The following DACH2 variants were observed in gnomAD, a reference collection of about 807,000 sequenced individuals.
DACH2 encodes dachshund homolog 2.
DACH2 carries 17 observed loss-of-function variants against 35.8 expected under a neutral mutation model. The observed-to-expected ratio is 0.48, with a 90% CI of 0.33 to 0.71. The LOEUF is 0.71. Among genes scored for constraint, DACH2 ranks in the 30% least tolerant of loss-of-function variants. The pLI is 0.02. For missense variants in DACH2, 469 were observed against 472.7 expected (o/e 0.99, Z 0.07); for synonymous variants, 195 against 177.3 (o/e 1.10, Z -0.79).
intron 3 of DACH2, among the ~76,000 whole-genome samples, chrX:86,602,917 C>T (rs780103364): frequency 2.4e-4 from 27 of 111,124 alleles, no homozygotes; most frequent in African/African-American, 8.8e-4. Context: ...AAGATTTTCT[C>T]CTATGTTTTC....
rs766324185 is a variant in DACH2 at position 86,813,043 on chromosome X, A to G, written c.1389+39A>G. 3.7e-5 allele frequency: 42 copies of G among 1,145,291 alleles called. No individual in the cohort carries two copies. In the Middle Eastern group the frequency reaches 7.2e-4, roughly 20 times the overall value. The allele number at this position is 1,145,291 out of a possible 1,213,427, so 94.4% of individuals were successfully genotyped here. A position where few individuals can be genotyped will look rare whatever the true frequency, so the allele number is the denominator to read the frequency against. On this transcript the variant is annotated intron_variant, in intron 8 of 11. Coordinates refer to ENST00000373125, the MANE Select transcript of DACH2 (RefSeq NM_053281.3). ...CTATAAACAAAATAAATGTAATACAAGACATTAGCACCTACATATATTATT... is the reference window on the plus strand; with the variant it reads ...CTATAAACAAAATAAATGTAATACAGGACATTAGCACCTACATATATTATT...
At chrX:86,409,941 CA>C (rs1411940816) in intron 2 of DACH2, among the ~76,000 whole-genome samples, 1 of 111,915 alleles carries the variant, frequency 8.9e-6, no homozygotes, top group African/African-American at 3.2e-5. Flanking sequence ...AGCAGTTCCC[CA>C]AAGGCATTCT....
chrX:86,621,559 AAAG>A (rs954357317), intron 3 of DACH2, among the ~76,000 whole-genome samples: 4 of 111,581 alleles, frequency 3.6e-5, no homozygotes, highest in African/African-American at 9.7e-5. Flanking sequence ...AATAAAAAAA[AAAG>A]AAGAATAGAA....
chrX:86,437,601 C>T (rs1346203570), intron 2 of DACH2, among the ~76,000 whole-genome samples: 1 of 111,623 alleles, frequency 9.0e-6, no homozygotes, highest in African/African-American at 3.3e-5. Context: ...TTCTCTGTTG[C>T]TACTAATGGC....
At chrX:86,409,896 C>T (rs1431498214) in intron 2 of DACH2, among the ~76,000 whole-genome samples, 2 of 112,014 alleles carry the variant, frequency 1.8e-5, no homozygotes, top group Non-Finnish European at 3.8e-5. Flanking sequence ...TGAAAACTTG[C>T]TCTGAAGTAA....
At chrX:86,675,085 C>T (rs2040811425) in intron 4 of DACH2, among the ~76,000 whole-genome samples, 1 of 111,548 alleles carries the variant, frequency 9.0e-6, no homozygotes. Flanking sequence ...CCCTCTGCCT[C>T]CCAACCAAAG....
intron 1 of DACH2, among the ~76,000 whole-genome samples, chrX:86,312,614 C>A (rs971397555): frequency 8.9e-6 from 1 of 111,744 alleles, no homozygotes; most frequent in Non-Finnish European, 1.9e-5. Context: ...AGAATCTAAT[C>A]ATCTGCCAGT....
At chrX:86,341,914 A>T (rs2035420427) in intron 1 of DACH2, among the ~76,000 whole-genome samples, 1 of 111,983 alleles carries the variant, frequency 8.9e-6, no homozygotes, top group African/African-American at 3.2e-5. Flanking sequence ...CTCATGCTAA[A>T]ACTTGAATGG....
chrX:86,490,447 C>A (rs1226696836), intron 2 of DACH2, among the ~76,000 whole-genome samples: 1 of 111,303 alleles, frequency 9.0e-6, no homozygotes, highest in African/African-American at 3.3e-5. Context: ...GTATCATAAT[C>A]TGGAAGCAAA....
chrX:86,393,687 A>G (rs1371852987), intron 2 of DACH2, among the ~76,000 whole-genome samples: 1 of 111,731 alleles, frequency 9.0e-6, no homozygotes, highest in Admixed American at 9.5e-5. Flanking sequence ...ATTTTGAGGT[A>G]TCAGATAATG....
At chrX:86,567,653 C>T (rs1162622105) in intron 3 of DACH2, among the ~76,000 whole-genome samples, 2 of 111,336 alleles carry the variant, frequency 1.8e-5, no homozygotes, top group Non-Finnish European at 3.8e-5. Flanking sequence ...CAGTGCCGTG[C>T]TTATTGTAGG....
intron 2 of DACH2, among the ~76,000 whole-genome samples, chrX:86,463,557 C>A (rs2037612525): frequency 1.8e-5 from 2 of 110,426 alleles, no homozygotes; most frequent in African/African-American, 6.6e-5. Flanking sequence ...CGAAAAACCC[C>A]AAATCATAAA....
chrX:86,660,134 C>A (rs752879743), intron 4 of DACH2, among the ~76,000 whole-genome samples: 1 of 111,411 alleles, frequency 9.0e-6, no homozygotes, highest in Non-Finnish European at 1.9e-5. Flanking sequence ...GATCACTCTT[C>A]GTGCCCCTGC....
At chrX:86,375,789 C>T (rs1304747788) in intron 1 of DACH2, among the ~76,000 whole-genome samples, 8 of 109,408 alleles carry the variant, frequency 7.3e-5, no homozygotes, top group African/African-American at 2.6e-4. Flanking sequence ...GAAACAGTTG[C>T]TTTTCAAAAG....
chrX:86,470,684 T>C (rs1202931142), intron 2 of DACH2, among the ~76,000 whole-genome samples: 1 of 110,905 alleles, frequency 9.0e-6, no homozygotes, highest in Non-Finnish European at 1.9e-5. Context: ...CTATTGGGTA[T>C]AATGTATAGT....
At position 86,546,357 on chromosome X, in the gene DACH2, C is replaced by CTCCTCTTCTTCTTCTTCT. The variant is rs2038959526; in HGVS notation, c.640+31968_640+31969insCTCTTCTTCTTCTTCTTC. Reference sequence around the variant, plus strand: ...CTTCTTCCTCTTCTTCTTCTTCTTCCTCTTCTTCTTCTTCTTCTTCTTCTT... The same window carrying CTCCTCTTCTTCTTCTTCT: ...CTTCTTCCTCTTCTTCTTCTTCTTCCTCCTCTTCTTCTTCTTCTTCTTCTTCTTCTTCTTCTTCTTCTT... On this transcript the variant is annotated intron_variant, in intron 3 of 11. Coordinates refer to ENST00000373125, the MANE Select transcript of DACH2 (RefSeq NM_053281.3). Among the ~76,000 whole-genome samples the CTCCTCTTCTTCTTCTTCT allele has an allele frequency of 1.0e-4, 5 of 50,068 alleles. No homozygotes were observed. In the East Asian group the frequency reaches 3.7e-3, roughly 37 times the overall value. 43.5% of individuals were successfully genotyped at this position (50,068 alleles called of 115,157 possible).
intron 2 of DACH2, chrX:86,481,672 A>G (rs2037937083): frequency 8.9e-6 from 1 of 112,172 alleles, no homozygotes; most frequent in African/African-American, 3.2e-5. Flanking sequence ...ACTGCTTCAT[A>G]CGAGAGTAAT....
chrX:86,286,386 T>C (rs1862265469), intron 1 of DACH2, among the ~76,000 whole-genome samples: 1 of 111,077 alleles, frequency 9.0e-6, no homozygotes, highest in Admixed American at 9.6e-5. Flanking sequence ...CGCCTCAGCC[T>C]CCCAAAGTGC....
chrX:86,423,973 T>G (rs2036849256), intron 2 of DACH2, among the ~76,000 whole-genome samples: 1 of 111,123 alleles, frequency 9.0e-6, no homozygotes, highest in African/African-American at 3.3e-5. Flanking sequence ...TTGGCATCTT[T>G]GTCAAAAATG....
Sources: allele counts gnomAD v4.1 joint callset (sites outside exome capture counted in the v4.1 genomes callset), GRCh38; gene constraint gnomAD v4.1.1; transcripts MANE v1.5; gene names NCBI Gene and HGNC (gene_info 2026-07-23, HGNC 2026-07-21).